GPAT2: variants seen among roughly 807,000 people sequenced by gnomAD.
The protein encoded by GPAT2 is 1-acylglycerol-3-phosphate O-acyltransferase GPAT2.
In GPAT2, 51 loss-of-function variants were observed where a neutral mutation model predicts 71.0. The observed-to-expected ratio is 0.72, with a 90% CI of 0.57 to 0.91. GPAT2 has a LOEUF of 0.91. GPAT2 is among the 40% of genes least tolerant of loss of function. GPAT2 has a pLI of 0.00. For missense variants in GPAT2, 511 were observed against 666.0 expected (o/e 0.77, Z 2.56); for synonymous variants, 222 against 290.3 (o/e 0.76, Z 2.39).
chr2:96,022,838 A>T, intron 20 of GPAT2, 115 bp from the exon 21 acceptor site: 1 of 1,612,588 alleles, frequency 6.2e-7, no homozygotes, highest in East Asian at 2.2e-5. Context: ...CTGACTGGAC[A>T]GAAGACTGTA....
intron 13 of GPAT2, 58 bp downstream of exon 13, chr2:96,025,427 C>A (rs1382226147): frequency 1.3e-6 from 2 of 1,546,066 alleles, no homozygotes; most frequent in Admixed American, 2.1e-5. Context: ...CTGGCTGACC[C>A]CGAGAGGGGA....
At position 96,022,128 on chromosome 2, in the gene GPAT2, G is replaced by A; in HGVS notation, c.*31C>T. The A allele has an allele frequency of 6.2e-7, 1 of 1,606,456 alleles. No individual in the cohort carries two copies. Among genetic ancestry groups the A allele is most frequent in the South Asian group, 1.1e-5 (1 of 89,962 alleles). ...GGACACAGCTGTGTTCTGGGGCTGA[G>A]AAGTCTCAGCACAGGCTCCTCCTCA... On this transcript the variant is annotated 3_prime_UTR_variant, in exon 22 of 22. Transcript: ENST00000434632.
chr2:96,023,871 TGGA>T, intron 17 of GPAT2, 49 bp downstream of exon 17: 1 of 1,546,020 alleles, frequency 6.5e-7, no homozygotes, highest in South Asian at 1.2e-5. Flanking sequence ...GGTGGGAGGC[TGGA>T]GGAGGCCAGG....
chr2:96,028,650 C>T (rs1390715226), intron 6 of GPAT2, among the ~76,000 whole-genome samples: 1 of 143,926 alleles, frequency 6.9e-6, no homozygotes, highest in Admixed American at 6.9e-5. Flanking sequence ...TGGCTCACTA[C>T]AACCTCTGCC....
In GPAT2 at chr2:96,026,249, C is replaced by T; in HGVS notation, c.1089G>A (p.Trp363Ter). The T allele has an allele frequency of 6.2e-7, 1 of 1,609,906 alleles. No homozygotes were observed. The highest frequency in any genetic ancestry group is 8.5e-7 in the Non-Finnish European group (1 of 1,178,642). Residue 363 changes from tryptophan (W) to a stop codon, truncating the protein, a stop_gained, in exon 11 of 22, where the codon TGG (tryptophan) becomes TGA (stop). Transcript: ENST00000434632. LOFTEE classifies it high-confidence loss of function. ...TGALAVLRSL[W>*]SRWGCSHRIC... is the part of the protein sequence containing the mutation. ...TCCGGTGGCTGCAGCCCCAGCGGCT[C>T]CACAAGCTACGTAGGACAGCCAGAG...
At position 96,023,170 on chromosome 2, in the gene GPAT2, G is replaced by A. The variant is rs756880576; in HGVS notation, c.2103C>T (p.Ser701=). 6.2e-7 allele frequency: 1 copy of A among 1,604,960 alleles called. No homozygotes were observed. Among genetic ancestry groups the A allele is most frequent in the Non-Finnish European group, 8.5e-7 (1 of 1,175,902 alleles). ...DFFLFLCRLL[S]PLLKAFAQAA... ...CCTGTGCAAAGGCCTTGAGCAGCGG[G>A]CTGAGCAGGCGGCAGAGGAAAAGAA... Residue 701 remains serine (S), a synonymous_variant, in exon 19 of 22, where the codon AGC becomes AGT. Coordinates refer to ENST00000434632, the MANE Select transcript of GPAT2 (RefSeq NM_001321527.2).
At chr2:96,033,796 C>T (rs1271336766) in intron 1 of GPAT2, among the ~76,000 whole-genome samples, 4 of 123,696 alleles carry the variant, frequency 3.2e-5, no homozygotes, top group Non-Finnish European at 6.7e-5. Context: ...TGCAGACCAC[C>T]CCCAACCCCC....
chr2:96,025,560 T>C lies in GPAT2; in HGVS notation c.1282A>G (p.Ile428Val), dbSNP rs757746464. 4 of 1,572,742 alleles carry C rather than the reference T, an allele frequency of 2.5e-6. No individual in the cohort carries two copies. The highest frequency in any genetic ancestry group is 3.4e-6 in the Non-Finnish European group (4 of 1,159,572). The change falls in exon 13 of 22, where the codon ATA (isoleucine) becomes GTA (valine). Residue 428 changes from isoleucine (I) to valine (V), a missense_variant. This residue lies in a region of GPAT2 where 79 missense variants were observed against 111.4 expected (regional missense o/e 0.71). Transcript: ENST00000434632. ...DTEKEQEWTP[I>V]TGPLLALKEE... ...TTGAGGGCCAGGAGAGGCCCAGTTA[T>C]GGGGGTCCACTCCTGCTCCTTCTCA...
At chr2:96,024,162 C>G in intron 16 of GPAT2, 27 bp downstream of exon 16, 1 of 1,496,990 alleles carries the variant, frequency 6.7e-7, no homozygotes, top group Non-Finnish European at 8.9e-7. Context: ...AGGCCTAGGA[C>G]CAAGTGGGCC....
In GPAT2 at chr2:96,026,724, A is replaced by G; in HGVS notation, c.1005T>C (p.Val335=). 1.2e-5 allele frequency: 1 copy of G among 86,860 alleles called. No homozygotes were observed. Among genetic ancestry groups the G allele is most frequent in the South Asian group, 7.8e-5 (1 of 12,810 alleles). 5.4% of individuals were successfully genotyped at this position (86,860 alleles called of 1,614,324 possible). The change falls in exon 10 of 22, where the codon GTT becomes GTC. Residue 335 remains valine, a synonymous_variant. Transcript: ENST00000434632. Reference sequence around the variant, plus strand: ...GGTCTATGTCACACGGTGCATCCGGAACCAGGTCATAGGTGACGGCCACTG... The same window carrying G: ...GGTCTATGTCACACGGTGCATCCGGGACCAGGTCATAGGTGACGGCCACTG... ...LVPVAVTYDL[V]PDAPCDIDHA...
At chr2:96,022,393 A>T in intron 21 of GPAT2, 118 bp from the exon 22 acceptor site, 1 of 1,259,260 alleles carries the variant, frequency 7.9e-7, no homozygotes, top group East Asian at 2.5e-5. Flanking sequence ...CTTAGACCTC[A>T]ATGTTTGCGT....
chr2:96,024,902 T>C, intron 13 of GPAT2, 59 bp from the exon 14 acceptor site: 1 of 1,584,004 alleles, frequency 6.3e-7, no homozygotes, highest in Non-Finnish European at 8.7e-7. Flanking sequence ...GCCTGGTCCC[T>C]CCATGATCTA....
chr2:96,031,969 T>C, intron 3 of GPAT2, 64 bp downstream of exon 3: 1 of 1,451,566 alleles, frequency 6.9e-7, no homozygotes, highest in South Asian at 1.2e-5. Flanking sequence ...AGGAAGCAGC[T>C]TCCCAGAGCT....
At position 96,024,428 on chromosome 2, in the gene GPAT2, G is replaced by A. The variant is rs1270691276; in HGVS notation, c.1686C>T (p.Gly562=). ...LLPVFLSEAV[G]ACAVRGLLAG... is the part of the protein sequence containing the mutation. ...TACCCCGTGCACCTCAAGACTCACC[G>A]CCCACAGCCTCGCTCAGGAAGACGG... Residue 562 remains glycine (G), a splice_region_variant and synonymous_variant, in exon 15 of 22, where the codon GGC becomes GGT. Coordinates refer to ENST00000434632, the MANE Select transcript of GPAT2 (RefSeq NM_001321527.2). 9.3e-6 allele frequency: 15 copies of A among 1,613,342 alleles called. No individual in the cohort carries two copies. Among genetic ancestry groups the A allele is most frequent in the South Asian group, 2.2e-5 (2 of 91,048 alleles).
At chr2:96,023,248 G>C in intron 18 of GPAT2, 22 bp from the exon 19 acceptor site, 1 of 1,612,828 alleles carries the variant, frequency 6.2e-7, no homozygotes, top group Admixed American at 1.7e-5. Flanking sequence ...AGGCCGGGGT[G>C]AGTGCAGCTC....
intron 17 of GPAT2, 114 bp downstream of exon 17, chr2:96,023,809 C>T: frequency 1.3e-6 from 2 of 1,492,950 alleles, no homozygotes; most frequent in Admixed American, 4.6e-5. Flanking sequence ...GGGCTGCCCA[C>T]CCCCACAGCA....
chr2:96,025,597 A>G lies in GPAT2; in HGVS notation c.1245T>C (p.Ala415=), dbSNP rs754626919. ...LQPIVLGQCT[A]VPDTEKEQEW... is the part of the protein sequence containing the mutation. ...CCTGCTCCTTCTCAGTGTCTGGGACAGCAGTACTGAGATAGAGACACAGAT... is the reference window on the plus strand; with the variant it reads ...CCTGCTCCTTCTCAGTGTCTGGGACGGCAGTACTGAGATAGAGACACAGAT... The change falls in exon 13 of 22, where the codon GCT becomes GCC. Residue 415 remains alanine, a synonymous_variant. Transcript: ENST00000434632. The G allele has an allele frequency of 1.3e-6, 2 of 1,569,512 alleles. No homozygotes were observed. Among genetic ancestry groups the G allele is most frequent in the Admixed American group, 4.0e-5 (2 of 49,956 alleles).
intron 3 of GPAT2, 97 bp downstream of exon 3, chr2:96,031,936 G>A: frequency 7.3e-7 from 1 of 1,366,344 alleles, no homozygotes; most frequent in Non-Finnish European, 9.9e-7. Flanking sequence ...GGGCAGGGAA[G>A]AGCCAAGCTT....
rs772821888 is a variant in GPAT2 at position 96,023,273 on chromosome 2, A to C, written c.2046+36T>G. The C allele has an allele frequency of 3.6e-5, 58 of 1,613,892 alleles. No homozygotes were observed. In the East Asian group the frequency reaches 1.2e-3, roughly 33 times the overall value. ...GAGTGCAGCTCCCCACCGCCTCCCT[A>C]CCACCTCCCTCCAGGGGCAGCTTTT... On this transcript the variant is annotated intron_variant, in intron 18 of 21. Transcript: ENST00000434632.
Sources: allele counts gnomAD v4.1 joint callset (sites outside exome capture counted in the v4.1 genomes callset), GRCh38; gene constraint gnomAD v4.1.1; regional missense constraint gnomAD v4.1.1; transcripts MANE v1.5; gene names NCBI Gene and HGNC (gene_info 2026-07-23, HGNC 2026-07-21).